Variants in ANXA8 observed in about 807,000 individuals in gnomAD.
ANXA8 encodes the protein annexin A8, also known as VAC-beta.
ANXA8 carries 9 observed loss-of-function variants against 26.8 expected under a neutral mutation model. The ratio of observed to expected loss-of-function variants is 0.34; its 90% CI spans 0.20 to 0.59. ANXA8 has a LOEUF of 0.59. ANXA8 is among the 20% of genes least tolerant of loss of function. ANXA8 has a pLI of 0.84. For synonymous variants in ANXA8, 39 were observed against 94.8 expected (o/e 0.41, Z 3.42); for missense variants, 83 against 238.5 (o/e 0.35, Z 4.29).
the ANXA8 span, among the ~76,000 whole-genome samples, chr10:47,899,934 G>C: frequency 6.6e-6 from 1 of 150,420 alleles, no homozygotes; most frequent in Non-Finnish European, 1.5e-5. Context: ...TGATCTTAAA[G>C]TTAACAGAAA....
the ANXA8 span, among the ~76,000 whole-genome samples, chr10:47,650,711 G>A: frequency 7.5e-5 from 11 of 146,760 alleles, no homozygotes; most frequent in Middle Eastern, 3.4e-3. Context: ...GGAGGCTGAG[G>A]CAGGAGAATG....
At chr10:47,672,749 A>C in the ANXA8 span, among the ~76,000 whole-genome samples, 2 of 151,938 alleles carry the variant, frequency 1.3e-5, no homozygotes, top group African/African-American at 4.9e-5. Flanking sequence ...ATGACTTTTG[A>C]GCAGAGACCT....
At chr10:47,763,646 G>A in the ANXA8 span, 1 of 208,152 alleles carries the variant, frequency 4.8e-6, no homozygotes, top group Non-Finnish European at 8.4e-6. Context: ...CGGGAAAGGC[G>A]GGAGTAAGGT....
chr10:47,495,204 CAG>C, the ANXA8 span, among the ~76,000 whole-genome samples: 21 of 148,870 alleles, frequency 1.4e-4, no homozygotes, highest in African/African-American at 5.0e-4. Context: ...AACAGAGAAA[CAG>C]AGAATTCCAG....
the ANXA8 span, chr10:47,970,597 T>C: frequency 6.6e-6 from 1 of 151,514 alleles, no homozygotes; most frequent in East Asian, 1.9e-4. Context: ...CTAGCTGACC[T>C]GACATTATTC....
At chr10:47,971,185 T>A in the ANXA8 span, among the ~76,000 whole-genome samples, 1 of 150,926 alleles carries the variant, frequency 6.6e-6, no homozygotes, top group Non-Finnish European at 1.5e-5. Context: ...ATACGGTCTA[T>A]GGGCTTTGCT....
the ANXA8 span, among the ~76,000 whole-genome samples, chr10:47,974,389 ATTTCAT>A: frequency 1.4e-5 from 2 of 145,762 alleles, no homozygotes; most frequent in African/African-American, 4.9e-5. Flanking sequence ...TTGCATCTCA[ATTTCAT>A]TAAGTTCTTC....
At chr10:47,720,136 A>G in the ANXA8 span, 11 of 1,225,888 alleles carry the variant, frequency 9.0e-6, no homozygotes, top group African/African-American at 1.7e-5. Context: ...GTAAACTCTT[A>G]CTTTCTAAAA....
chr10:47,694,197 G>T, the ANXA8 span, among the ~76,000 whole-genome samples: 2 of 151,550 alleles, frequency 1.3e-5, no homozygotes, highest in South Asian at 4.2e-4. Context: ...TGATTTCTAT[G>T]AACTTTTTTT....
At chr10:47,596,812 T>A in the ANXA8 span, among the ~76,000 whole-genome samples, 2 of 148,574 alleles carry the variant, frequency 1.3e-5, no homozygotes, top group Non-Finnish European at 2.9e-5. Flanking sequence ...AATTCATAGC[T>A]GAATTCTACC....
chr10:47,747,153 G>C, the ANXA8 span, among the ~76,000 whole-genome samples: 60 of 151,068 alleles, frequency 4.0e-4, no homozygotes, highest in Admixed American at 2.0e-3. Flanking sequence ...GCTGATTTTA[G>C]CTAAGAGGCC....
chr10:47,507,633 C>T, the ANXA8 span: 1 of 1,527,706 alleles, frequency 6.5e-7, no homozygotes, highest in South Asian at 1.1e-5. Flanking sequence ...ATTTGTTAGG[C>T]CTGCAGACAT....
the ANXA8 span, among the ~76,000 whole-genome samples, chr10:47,513,684 T>C: frequency 7.2e-6 from 1 of 139,848 alleles, no homozygotes; most frequent in Non-Finnish European, 1.6e-5. Flanking sequence ...GATATAAAAA[T>C]AGGCACATAC....
the ANXA8 span, among the ~76,000 whole-genome samples, chr10:47,686,704 G>A: frequency 1.3e-5 from 2 of 151,888 alleles, no homozygotes; most frequent in Non-Finnish European, 1.5e-5. Context: ...TTCCAATATG[G>A]TGGTCTCACA....
the ANXA8 span, among the ~76,000 whole-genome samples, chr10:47,721,004 G>T: frequency 1.2e-4 from 16 of 138,424 alleles, no homozygotes; most frequent in Non-Finnish European, 2.1e-4. Flanking sequence ...AAAAAAAGCT[G>T]GGCATGGTGA....
the ANXA8 span, among the ~76,000 whole-genome samples, chr10:47,952,047 G>A: frequency 6.7e-6 from 1 of 150,374 alleles, no homozygotes; most frequent in Admixed American, 6.6e-5. Flanking sequence ...TTGACAATAT[G>A]CAATACTCAT....
chr10:47,894,787 C>CCA, the ANXA8 span, among the ~76,000 whole-genome samples: 1 of 152,272 alleles, frequency 6.6e-6, no homozygotes, highest in African/African-American at 2.4e-5. Context: ...TCACAGCACA[C>CCA]CACACACACA....
At chr10:47,525,821 T>TTGG in the ANXA8 span, among the ~76,000 whole-genome samples, 1 of 116,260 alleles carries the variant, frequency 8.6e-6, no homozygotes, top group African/African-American at 3.3e-5. Flanking sequence ...TTTTTTTTTT[T>TTGG]GAGACGGAGT....
chr10:47,546,551 C>T, the ANXA8 span, among the ~76,000 whole-genome samples: 2 of 135,968 alleles, frequency 1.5e-5, no homozygotes, highest in Non-Finnish European at 3.2e-5. Context: ...TACAGGCACC[C>T]ACCACCACAC....
Sources: allele counts gnomAD v4.1 joint callset (sites outside exome capture counted in the v4.1 genomes callset), GRCh38; gene constraint gnomAD v4.1.1; transcripts MANE v1.5; gene names NCBI Gene and HGNC (gene_info 2026-07-23, HGNC 2026-07-21).